Variants in NEK1 observed in about 807,000 individuals in gnomAD.
NEK1 encodes serine/threonine-protein kinase Nek1.
Under a neutral mutation model 182.1 loss-of-function variants are expected in NEK1, and 137 were observed. The observed-to-expected ratio is 0.75, with a 90% CI of 0.65 to 0.87. The LOEUF (loss-of-function observed/expected upper bound fraction) is 0.87, where lower values mean the gene tolerates loss of function less well. Ranked by LOEUF, NEK1 falls within the 40% of genes least tolerant of loss-of-function variation. NEK1 has a pLI of 0.00. For missense variants in NEK1, 1,391 were observed against 1,494.4 expected (o/e 0.93, Z 1.14); for synonymous variants, 513 against 492.2 (o/e 1.04, Z -0.56).
intron 11 of NEK1, 80 bp downstream of exon 11, chr4:169,580,761 AC>A: frequency 1.2e-6 from 1 of 812,368 alleles, no homozygotes; most frequent in Non-Finnish European, 2.1e-6. Flanking sequence ...ATCCCAACTT[AC>A]TACATCTACA....
chr4:169,576,418 C>T (rs1273542442), intron 12 of NEK1, among the ~76,000 whole-genome samples: 1 of 152,180 alleles, frequency 6.6e-6, no homozygotes. Flanking sequence ...AAGCATGCAG[C>T]TACTGACATA....
intron 2 of NEK1, among the ~76,000 whole-genome samples, chr4:169,608,423 C>T (rs1771756344): frequency 6.6e-6 from 1 of 152,166 alleles, no homozygotes; most frequent in East Asian, 1.9e-4. Flanking sequence ...CCTCATTTTA[C>T]ACCAACCTAA....
intron 26 of NEK1, among the ~76,000 whole-genome samples, chr4:169,464,166 C>G (rs1744497578): frequency 7.0e-6 from 1 of 142,806 alleles, no homozygotes; most frequent in Non-Finnish European, 1.5e-5. Flanking sequence ...CTTGTTCACA[C>G]AAAAATACTT....
At chr4:169,416,911 T>TA (rs1734639440) in intron 31 of NEK1, among the ~76,000 whole-genome samples, 2 of 152,004 alleles carry the variant, frequency 1.3e-5, no homozygotes, top group Admixed American at 1.3e-4. Context: ...TCTCTAATAT[T>TA]AAAAAAAGAT....
chr4:169,446,799 A>G (rs1241394447), intron 27 of NEK1, among the ~76,000 whole-genome samples: 2 of 152,198 alleles, frequency 1.3e-5, no homozygotes, highest in African/African-American at 2.4e-5. Flanking sequence ...TTAATAGCAG[A>G]ACACATCAAA....
At chr4:169,509,241 C>G (rs1358197729) in intron 19 of NEK1, among the ~76,000 whole-genome samples, 1 of 151,984 alleles carries the variant, frequency 6.6e-6, no homozygotes, top group Non-Finnish European at 1.5e-5. Context: ...TAAACACATA[C>G]AAAATAAGAT....
At chr4:169,599,304 C>A in intron 4 of NEK1, 107 bp from the exon 5 acceptor site, 1 of 709,984 alleles carries the variant, frequency 1.4e-6, no homozygotes. Context: ...GAACAAAAAA[C>A]AGGACCATAC....
chr4:169,404,846 C>T (rs1212287266), intron 32 of NEK1, among the ~76,000 whole-genome samples: 1 of 151,916 alleles, frequency 6.6e-6, no homozygotes, highest in Non-Finnish European at 1.5e-5. Context: ...GTTATCACTC[C>T]TTACAGCTCT....
intron 23 of NEK1, among the ~76,000 whole-genome samples, chr4:169,494,532 A>G (rs1750782172): frequency 6.6e-6 from 1 of 152,112 alleles, no homozygotes; most frequent in Non-Finnish European, 1.5e-5. Flanking sequence ...AGTCTTTGCT[A>G]TTGTGAATAG....
rs886423181 is a variant in NEK1 at position 169,499,521 on chromosome 4, A to G, written c.2007+7516T>C. 6.6e-5 allele frequency among the ~76,000 whole-genome samples: 10 copies of G among 151,730 alleles called. No individual in the cohort carries two copies. In the East Asian group the frequency reaches 1.4e-3, roughly 21 times the overall value. On this transcript the variant is annotated intron_variant, in intron 23 of 35. Transcript: ENST00000507142. Reference sequence around the variant, plus strand: ...AGTTTTTCTGCTCTGTTTTTTCCCTATCTTTGTGGTTTTATCTACCTTTGG... The same window carrying G: ...AGTTTTTCTGCTCTGTTTTTTCCCTGTCTTTGTGGTTTTATCTACCTTTGG...
chr4:169,523,764 T>C (rs1561345606), intron 19 of NEK1, among the ~76,000 whole-genome samples: 1 of 152,250 alleles, frequency 6.6e-6, no homozygotes, highest in Non-Finnish European at 1.5e-5. Flanking sequence ...TACTTAATTG[T>C]TGGTTTATTG....
intron 35 of NEK1, among the ~76,000 whole-genome samples, chr4:169,398,114 T>C (rs1047821864): frequency 4.6e-5 from 7 of 152,178 alleles, no homozygotes; most frequent in Admixed American, 2.6e-4. Flanking sequence ...TACTTTTCAT[T>C]CCATTATAGC....
intron 31 of NEK1, among the ~76,000 whole-genome samples, chr4:169,407,286 C>T (rs1732815890): frequency 6.6e-6 from 1 of 152,188 alleles, no homozygotes; most frequent in Non-Finnish European, 1.5e-5. Context: ...TGAAGTTTGG[C>T]TAAGCACCAC....
intron 16 of NEK1, among the ~76,000 whole-genome samples, chr4:169,559,150 A>G (rs889020588): frequency 2.6e-5 from 4 of 152,172 alleles, no homozygotes; most frequent in Admixed American, 6.6e-5. Flanking sequence ...AAATTGTCTC[A>G]GTTATTAAAC....
At chr4:169,485,627 A>G (rs550092341) in intron 23 of NEK1, among the ~76,000 whole-genome samples, 49 of 152,328 alleles carry the variant, frequency 3.2e-4, no homozygotes, top group African/African-American at 1.0e-3. Context: ...AAAGTTTCAT[A>G]TAAGAGAAAA....
At chr4:169,572,697 G>C (rs1765062819) in intron 12 of NEK1, among the ~76,000 whole-genome samples, 1 of 152,104 alleles carries the variant, frequency 6.6e-6, no homozygotes, top group Admixed American at 6.5e-5. Context: ...CAATGAGGTA[G>C]GAAGAAAACC....
chr4:169,491,106 G>C (rs1453089737), intron 23 of NEK1, among the ~76,000 whole-genome samples: 2 of 117,976 alleles, frequency 1.7e-5, no homozygotes, highest in African/African-American at 3.3e-5. Context: ...TTACGTCACT[G>C]CACTCCAGCA....
Position 169,482,896 on chromosome 4 carries a change from A to G in NEK1, c.2008-3362T>C, listed in dbSNP as rs551189611. On this transcript the variant is annotated intron_variant, in intron 23 of 35. Transcript: ENST00000507142. ...ATGATCCACCTGCCTCGGCCTCCCA[A>G]CATGCTGGGATTACAGGCGTGAGCC... Among the ~76,000 whole-genome samples, 3 of 152,212 alleles carry G rather than the reference A, an allele frequency of 2.0e-5. No homozygotes were observed. In the East Asian group the frequency reaches 5.8e-4, roughly 29 times the overall value.
At chr4:169,561,457 C>T (rs1322213498) in intron 16 of NEK1, 23 bp downstream of exon 16, 50 of 1,601,804 alleles carry the variant, frequency 3.1e-5, no homozygotes, top group Non-Finnish European at 4.3e-5. Context: ...GGTAGTATAA[C>T]CATATTGGTA....
Sources: allele counts gnomAD v4.1 joint callset (sites outside exome capture counted in the v4.1 genomes callset), GRCh38; gene constraint gnomAD v4.1.1; transcripts MANE v1.5; gene names NCBI Gene and HGNC (gene_info 2026-07-23, HGNC 2026-07-21).